GSK3B: variants seen among roughly 807,000 people sequenced by gnomAD.
GSK3B encodes the protein glycogen synthase kinase-3 beta.
GSK3B carries 15 observed loss-of-function variants against 56.4 expected under a neutral mutation model. That is an observed-to-expected ratio of 0.27 (90% confidence interval 0.18 to 0.41). The LOEUF (loss-of-function observed/expected upper bound fraction) is 0.41, where lower values mean the gene tolerates loss of function less well. Among genes scored for constraint, GSK3B ranks in the 10% least tolerant of loss-of-function variants. The probability of loss-of-function intolerance (pLI) is 1.00; values close to 1 mark genes in which losing one functional copy is unlikely to be tolerated. For synonymous variants in GSK3B, 181 were observed against 188.9 expected (o/e 0.96, Z 0.34); for missense variants, 300 against 513.4 (o/e 0.58, Z 4.02).
At position 120,000,687 on chromosome 3, in the gene GSK3B, A is replaced by G. The variant is rs534958548; in HGVS notation, c.282+1359T>C. Reference sequence around the variant, plus strand: ...CTGACTCTCTCTGCTATACCACAACATAGAGATGACATCTGAGCTTCCATG... The same window carrying G: ...CTGACTCTCTCTGCTATACCACAACGTAGAGATGACATCTGAGCTTCCATG... On this transcript the variant is annotated intron_variant, in intron 2 of 10. Coordinates refer to ENST00000264235, the MANE Select transcript of GSK3B (RefSeq NM_001146156.2). Among the ~76,000 whole-genome samples the G allele has an allele frequency of 3.3e-5, 5 of 152,140 alleles. No homozygotes were observed. In the South Asian group the frequency reaches 6.2e-4, roughly 19 times the overall value.
At chr3:119,827,350 C>T (rs4261913) in intron 10 of GSK3B, among the ~76,000 whole-genome samples, 70,789 of 151,946 alleles carry the variant, frequency 0.47, 19,870 homozygotes, top group Non-Finnish European at 0.61. Context: ...GGAAGACAGA[C>T]AACCAGCAAA....
intron 1 of GSK3B, among the ~76,000 whole-genome samples, chr3:120,037,603 T>A (rs1174455090): frequency 6.6e-6 from 1 of 151,696 alleles, no homozygotes; most frequent in African/African-American, 2.4e-5. Context: ...GGAGAGACCC[T>A]ATTTCAAAAA....
chr3:120,054,390 C>T (rs756214390), intron 1 of GSK3B, among the ~76,000 whole-genome samples: 3 of 152,180 alleles, frequency 2.0e-5, no homozygotes, highest in South Asian at 2.1e-4. Context: ...AGCTTCTACA[C>T]CCAACTTCCC....
intron 1 of GSK3B, among the ~76,000 whole-genome samples, chr3:120,035,684 A>G (rs2058016658): frequency 6.6e-6 from 1 of 152,146 alleles, no homozygotes; most frequent in Non-Finnish European, 1.5e-5. Flanking sequence ...TCCATATTAT[A>G]CGTTTTATAC....
chr3:120,031,756 G>A (rs2057977932), intron 1 of GSK3B, among the ~76,000 whole-genome samples: 1 of 152,188 alleles, frequency 6.6e-6, no homozygotes, highest in African/African-American at 2.4e-5. Flanking sequence ...CCAGCCCTAA[G>A]TAAGTATATA....
intron 1 of GSK3B, among the ~76,000 whole-genome samples, chr3:120,013,542 C>T (rs2107500577): frequency 6.6e-6 from 1 of 152,152 alleles, no homozygotes; most frequent in Middle Eastern, 3.4e-3. Flanking sequence ...AAAAATTTTC[C>T]TTCACCTCAA....
intron 2 of GSK3B, among the ~76,000 whole-genome samples, chr3:119,963,782 C>T (rs1046728036): frequency 6.6e-6 from 1 of 151,916 alleles, no homozygotes; most frequent in Non-Finnish European, 1.5e-5. Flanking sequence ...ACAGTTTTTT[C>T]AATAAATGGT....
intron 3 of GSK3B, 59 bp downstream of exon 3, chr3:119,947,209 T>C: frequency 9.7e-7 from 1 of 1,026,534 alleles, no homozygotes; most frequent in Non-Finnish European, 1.5e-6. Context: ...GGGAGATTAA[T>C]TTCTAGAAAA....
intron 7 of GSK3B, among the ~76,000 whole-genome samples, chr3:119,876,936 G>T (rs774752206): frequency 3.3e-5 from 5 of 152,164 alleles, no homozygotes; most frequent in Non-Finnish European, 5.9e-5. Context: ...GGACTTTCCA[G>T]TCTCTAGAAC....
chr3:120,082,385 CTTTTTTTTT>C lies in GSK3B; in HGVS notation c.88+10953_88+10961del, dbSNP rs1173737285. 2.5e-3 allele frequency among the ~76,000 whole-genome samples: 163 copies of C among 66,374 alleles called. 2 individuals are homozygous for C. The highest frequency in any genetic ancestry group is 0.016 in the Middle Eastern group (1 of 64). The allele number at this position is 66,374 out of a possible 152,430, so 43.5% of individuals were successfully genotyped here. A position where few individuals can be genotyped will look rare whatever the true frequency, so the allele number is the denominator to read the frequency against. On this transcript the variant is annotated intron_variant, in intron 1 of 10. Transcript: ENST00000264235. The stretch of plus-strand genomic sequence containing the variant: ...TGTGGCTAGCCCAAATTAGTATGTT[CTTTTTTTTT>C]TTTTTTTTTTTTTTTTTTTTGAGAA...
chr3:119,987,075 G>T (rs1370272521), intron 2 of GSK3B, among the ~76,000 whole-genome samples: 1 of 152,080 alleles, frequency 6.6e-6, no homozygotes, highest in Non-Finnish European at 1.5e-5. Context: ...CTATCACAAG[G>T]ACCTAAAACC....
At chr3:120,056,026 T>C (rs993214469) in intron 1 of GSK3B, among the ~76,000 whole-genome samples, 4 of 152,192 alleles carry the variant, frequency 2.6e-5, no homozygotes, top group South Asian at 2.1e-4. Flanking sequence ...CTCCTGATTA[T>C]ACAATCAACT....
At chr3:119,834,270 C>T (rs1409483049) in intron 10 of GSK3B, among the ~76,000 whole-genome samples, 2 of 152,158 alleles carry the variant, frequency 1.3e-5, no homozygotes, top group African/African-American at 4.8e-5. Flanking sequence ...ATGTTATTAA[C>T]TGGCACATTA....
intron 7 of GSK3B, among the ~76,000 whole-genome samples, chr3:119,876,932 T>C (rs1417146020): frequency 6.6e-6 from 1 of 152,196 alleles, no homozygotes; most frequent in Non-Finnish European, 1.5e-5. Flanking sequence ...CATTGGACTT[T>C]CCAGTCTCTA....
In GSK3B at chr3:120,009,690, G is replaced by A. The variant is rs572839608; in HGVS notation, c.89-7451C>T. On this transcript the variant is annotated intron_variant, in intron 1 of 10. Coordinates refer to ENST00000264235, the MANE Select transcript of GSK3B (RefSeq NM_001146156.2). ...GAACATCACACACCAGGGTCTGTGG[G>A]GGGTGGGGGGCTAGGGGAGACATAA... Among the ~76,000 whole-genome samples, 34 of 152,208 alleles carry A rather than the reference G, an allele frequency of 2.2e-4. No homozygotes were observed. In the South Asian group the frequency reaches 6.7e-3, roughly 30 times the overall value.
chr3:120,015,907 C>A (rs1056362077), intron 1 of GSK3B, among the ~76,000 whole-genome samples: 2 of 152,100 alleles, frequency 1.3e-5, no homozygotes, highest in Non-Finnish European at 2.9e-5. Flanking sequence ...AAAAGCCTTA[C>A]AAGTAGTAAA....
chr3:119,978,326 C>T (rs2057426475), intron 2 of GSK3B, among the ~76,000 whole-genome samples: 1 of 152,182 alleles, frequency 6.6e-6, no homozygotes, highest in Non-Finnish European at 1.5e-5. Context: ...TCTCCACACA[C>T]ATAAATATTC....
chr3:120,019,819 CTT>C (rs1476775268), intron 1 of GSK3B, among the ~76,000 whole-genome samples: 1 of 152,188 alleles, frequency 6.6e-6, no homozygotes, highest in Non-Finnish European at 1.5e-5. Flanking sequence ...AAAACTAATT[CTT>C]AACAGTGTTC....
At chr3:119,870,653 G>A (rs1330124704) in intron 8 of GSK3B, among the ~76,000 whole-genome samples, 1 of 152,180 alleles carries the variant, frequency 6.6e-6, no homozygotes, top group Non-Finnish European at 1.5e-5. Context: ...ATAGGAAAGT[G>A]GCTTTAGAAA....
Sources: gnomAD v4.1 joint callset for allele counts (sites outside exome capture counted in the v4.1 genomes callset) on GRCh38, gnomAD v4.1.1 for gene constraint, MANE v1.5 for transcripts, NCBI Gene and HGNC (gene_info 2026-07-23, HGNC 2026-07-21) for gene names.